ARHGEF38: variants seen among roughly 807,000 people sequenced by gnomAD.
The protein encoded by ARHGEF38 is Rho guanine nucleotide exchange factor 38.
In ARHGEF38, 79 loss-of-function variants were observed where a neutral mutation model predicts 79.9. The ratio of observed to expected loss-of-function variants is 0.99; its 90% CI spans 0.82 to 1.19. ARHGEF38 has a LOEUF of 1.19. ARHGEF38 is among the 50% of genes most tolerant of loss of function. ARHGEF38 has a pLI of 0.00. For missense variants in ARHGEF38, 962 were observed against 907.2 expected (o/e 1.06, Z -0.78); for synonymous variants, 366 against 328.3 (o/e 1.11, Z -1.24).
At chr4:105,621,642 G>T (rs1289279347) in intron 3 of ARHGEF38, among the ~76,000 whole-genome samples, 2 of 152,202 alleles carry the variant, frequency 1.3e-5, no homozygotes, top group African/African-American at 4.8e-5. Context: ...GTGAGTTTGT[G>T]AGAAGAGTAC....
At chr4:105,673,019 A>G (rs775029358) in intron 13 of ARHGEF38, among the ~76,000 whole-genome samples, 103 of 152,338 alleles carry the variant, frequency 6.8e-4, no homozygotes, top group Middle Eastern at 3.4e-3. Context: ...CAAAAGTCTC[A>G]TATGAGTAGG....
intron 3 of ARHGEF38, among the ~76,000 whole-genome samples, chr4:105,615,472 G>A (rs140917997): frequency 6.6e-6 from 1 of 152,298 alleles, no homozygotes; most frequent in East Asian, 1.9e-4. Flanking sequence ...GAGAAATGTA[G>A]AAGAAAGCAT....
chr4:105,670,075 G>C (rs1730908791), intron 13 of ARHGEF38, among the ~76,000 whole-genome samples: 1 of 152,170 alleles, frequency 6.6e-6, no homozygotes, highest in Admixed American at 6.5e-5. Context: ...TGGGGCTATT[G>C]TGAATTATGC....
intron 4 of ARHGEF38, among the ~76,000 whole-genome samples, chr4:105,631,889 T>C (rs1729208283): frequency 6.6e-6 from 1 of 152,168 alleles, no homozygotes; most frequent in African/African-American, 2.4e-5. Context: ...TTGTAAGTAG[T>C]ATCCACTGTC....
chr4:105,659,849 TTGTGTG>T (rs59465723), intron 10 of ARHGEF38, among the ~76,000 whole-genome samples: 12 of 133,226 alleles, frequency 9.0e-5, no homozygotes, highest in Admixed American at 3.0e-4. Flanking sequence ...AAGCCTGGTT[TTGTGTG>T]TGTGTGTGTG....
At position 105,613,401 on chromosome 4, in the gene ARHGEF38, G is replaced by A. The variant is rs149829518; in HGVS notation, c.402G>A (p.Val134=). 4.5e-5 allele frequency: 73 copies of A among 1,613,086 alleles called. No homozygotes were observed. The highest frequency in any genetic ancestry group is 5.3e-5 in the Non-Finnish European group (63 of 1,179,392). Reference sequence around the variant, plus strand: ...TTCTTCAGACTGATAGGCTGGATGTGGATAGCTTGTTTAGCAACATTGAGT... The same window carrying A: ...TTCTTCAGACTGATAGGCTGGATGTAGATAGCTTGTTTAGCAACATTGAGT... ...LRNKKTDRLD[V]DSLFSNIESV... The change falls in exon 3 of 14, where the codon GTG becomes GTA. Residue 134 remains valine (V), a synonymous_variant. Coordinates refer to ENST00000420470, the MANE Select transcript of ARHGEF38 (RefSeq NM_001242729.2).
At chr4:105,566,411 AT>A (rs1725890792) in intron 1 of ARHGEF38, among the ~76,000 whole-genome samples, 1 of 152,014 alleles carries the variant, frequency 6.6e-6, no homozygotes, top group South Asian at 2.1e-4. Flanking sequence ...TACAGTTTTA[AT>A]TTTTTTATTT....
chr4:105,667,420 T>C (rs1471504672), intron 12 of ARHGEF38, 24 bp from the exon 13 acceptor site: 15 of 1,534,728 alleles, frequency 9.8e-6, no homozygotes, highest in Non-Finnish European at 1.3e-5. Context: ...ACTTGGTTCT[T>C]CTTTCTTTTT....
chr4:105,641,580 A>C (rs568436735), intron 5 of ARHGEF38, among the ~76,000 whole-genome samples: 1 of 152,278 alleles, frequency 6.6e-6, no homozygotes. Context: ...GCTACTGTAA[A>C]ATAAATATTA....
At chr4:105,567,221 T>C (rs1725969935) in intron 1 of ARHGEF38, among the ~76,000 whole-genome samples, 2 of 152,216 alleles carry the variant, frequency 1.3e-5, no homozygotes, top group Non-Finnish European at 1.5e-5. Flanking sequence ...GGCTGAATAG[T>C]AAGTACTCCA....
intron 1 of ARHGEF38, among the ~76,000 whole-genome samples, chr4:105,561,843 A>G (rs1371828829): frequency 6.6e-6 from 1 of 152,230 alleles, no homozygotes; most frequent in Non-Finnish European, 1.5e-5. Context: ...GGGTTTACAT[A>G]ACATTTTAAC....
intron 6 of ARHGEF38, among the ~76,000 whole-genome samples, chr4:105,648,087 A>G (rs1729927945): frequency 1.3e-5 from 2 of 151,756 alleles, no homozygotes; most frequent in South Asian, 4.2e-4. Flanking sequence ...ACGAGGTTTC[A>G]CCATGTTGGC....
chr4:105,608,883 C>G (rs943064722), intron 2 of ARHGEF38, among the ~76,000 whole-genome samples: 4 of 151,890 alleles, frequency 2.6e-5, no homozygotes, highest in Non-Finnish European at 5.9e-5. Flanking sequence ...CTGAGTAGAG[C>G]TCCTTATATA....
intron 2 of ARHGEF38, among the ~76,000 whole-genome samples, chr4:105,600,043 T>A (rs1727756411): frequency 6.6e-6 from 1 of 152,154 alleles, no homozygotes; most frequent in Non-Finnish European, 1.5e-5. Context: ...TGAGCTATAT[T>A]TCATGAAGAA....
At chr4:105,656,425 GACTTTTATTTAA>G (rs1730328950) in intron 9 of ARHGEF38, among the ~76,000 whole-genome samples, 1 of 152,146 alleles carries the variant, frequency 6.6e-6, no homozygotes, top group South Asian at 2.1e-4. Context: ...TATTGAGAAA[GACTTTTATTTAA>G]GAGTCATATG....
chr4:105,658,963 G>A (rs1730449130), intron 9 of ARHGEF38, 91 bp from the exon 10 acceptor site: 5 of 1,135,978 alleles, frequency 4.4e-6, no homozygotes, highest in South Asian at 3.3e-5. Flanking sequence ...TGTGCTTCTC[G>A]TGGGGGAAAA....
intron 4 of ARHGEF38, among the ~76,000 whole-genome samples, chr4:105,634,972 A>G (rs1455631948): frequency 1.3e-4 from 20 of 152,128 alleles, no homozygotes. Flanking sequence ...TATACTCATT[A>G]TTCTAATGGA....
Position 105,622,403 on chromosome 4 carries a change from T to C in ARHGEF38, c.509-8495T>C, listed in dbSNP as rs561745913. On this transcript the variant is annotated intron_variant, in intron 3 of 13. Coordinates refer to ENST00000420470, the MANE Select transcript of ARHGEF38 (RefSeq NM_001242729.2). ...CCAGGAAGCTAAAATGAGAAGTACA[T>C]AGAAAGAGTAACAAACCTTGAAGTT... 8.7e-4 allele frequency among the ~76,000 whole-genome samples: 133 copies of C among 152,248 alleles called. 1 individual carries two copies. In the South Asian group the frequency reaches 9.5e-3, roughly 11 times the overall value.
At chr4:105,631,271 C>T in intron 4 of ARHGEF38, 1 of 1,188,900 alleles carries the variant, frequency 8.4e-7, no homozygotes, top group Non-Finnish European at 1.0e-6. Flanking sequence ...AGATTTAGAG[C>T]TCTGCAGCGA....
Sources: gnomAD v4.1 joint callset for allele counts (sites outside exome capture counted in the v4.1 genomes callset) on GRCh38, gnomAD v4.1.1 for gene constraint, MANE v1.5 for transcripts, NCBI Gene and HGNC (gene_info 2026-07-23, HGNC 2026-07-21) for gene names.